Variants in GRIK1 observed in about 807,000 individuals in gnomAD.
GRIK1 encodes the protein glutamate ionotropic receptor kainate type subunit 1.
In GRIK1, 69 loss-of-function variants were observed where a neutral mutation model predicts 105.7. The ratio of observed to expected loss-of-function variants is 0.65; its 90% CI spans 0.54 to 0.80. The LOEUF (loss-of-function observed/expected upper bound fraction) is 0.80. GRIK1 is among the 30% of genes least tolerant of loss of function. GRIK1 has a pLI of 0.00. For synonymous variants in GRIK1, 438 were observed against 431.3 expected (o/e 1.02, Z -0.19); for missense variants, 1,109 against 1,167.3 (o/e 0.95, Z 0.73).
intron 7 of GRIK1, among the ~76,000 whole-genome samples, chr21:29,628,013 G>T (rs1275450663): frequency 1.3e-5 from 2 of 152,120 alleles, no homozygotes; most frequent in East Asian, 3.9e-4. Context: ...ATTAAAGAAG[G>T]CTCACTCAGT....
Position 29,939,455 on chromosome 21 carries a change from C to G in GRIK1, c.46G>C (p.Asp16His). Residue 16 changes from aspartate (D) to histidine (H), a missense_variant, in exon 1 of 18, where the codon GAC becomes CAC. Asp to His is a moderately conservative substitution (Grantham distance 81). Around this residue, in one of 5 missense-constraint regions of GRIK1, gnomAD observed 612 missense variants for 586.0 expected, o/e 1.04. Coordinates refer to ENST00000327783, the MANE Select transcript of GRIK1 (RefSeq NM_001330994.2). ...AAATAGAGGAGTGCCCAGCTGGTGT[C>G]CCTGGTCCAGAGCCCGGGCTGGGCG... ...LLAQPGLWTR[D>H]TSWALLYFLC... 6.2e-7 allele frequency: 1 copy of G among 1,601,566 alleles called. No individual in the cohort carries two copies. Among genetic ancestry groups the G allele is most frequent in the Non-Finnish European group, 8.5e-7 (1 of 1,173,984 alleles).
At chr21:29,787,888 A>G (rs34030535) in intron 1 of GRIK1, among the ~76,000 whole-genome samples, 5,401 of 152,244 alleles carry the variant, frequency 0.035, 206 homozygotes, top group East Asian at 0.1. Flanking sequence ...ATGGCTTCCT[A>G]TTTTAGTGTC....
chr21:29,841,710 C>T (rs1175107985), intron 1 of GRIK1, among the ~76,000 whole-genome samples: 1 of 152,152 alleles, frequency 6.6e-6, no homozygotes, highest in Admixed American at 6.5e-5. Flanking sequence ...ATCATGTCAT[C>T]ATTGTTGCAA....
intron 3 of GRIK1, 78 bp downstream of exon 3, chr21:29,689,650 T>C: frequency 7.7e-7 from 1 of 1,295,632 alleles, no homozygotes; most frequent in East Asian, 2.3e-5. Context: ...ATCTGATGAG[T>C]TTAATGACTA....
At chr21:29,563,255 C>T (rs866244816) in intron 14 of GRIK1, among the ~76,000 whole-genome samples, 1 of 152,134 alleles carries the variant, frequency 6.6e-6, no homozygotes, top group African/African-American at 2.4e-5. Flanking sequence ...AACTCTATCA[C>T]GGTTATTCAT....
rs149886959 is a variant in GRIK1, at chr21:29,866,592, G to A, written c.118+72791C>T. Among the ~76,000 whole-genome samples, 1,097 of 152,256 alleles carry A rather than the reference G, an allele frequency of 7.2e-3. 13 individuals are homozygous for A. Among genetic ancestry groups the A allele is most frequent in the African/African-American group, 0.024 (999 of 41,548 alleles). ...CTTGGCCATGGTAGTGGTGGGTAAA[G>A]ATGGGGGACTTTTGGATCTAAAATT... On this transcript the variant is annotated intron_variant, in intron 1 of 17. Transcript: ENST00000327783.
chr21:29,766,096 G>A (rs527646331), intron 1 of GRIK1, among the ~76,000 whole-genome samples: 2 of 152,148 alleles, frequency 1.3e-5, no homozygotes, highest in African/African-American at 2.4e-5. Context: ...TGATCCGGCC[G>A]CCTTGGCCTC....
intron 1 of GRIK1, among the ~76,000 whole-genome samples, chr21:29,750,999 A>T (rs111660834): frequency 0.04 from 6,042 of 152,128 alleles, 448 homozygotes; most frequent in African/African-American, 0.14. Context: ...TTACAGTCAA[A>T]GGGGGTTGTT....
At chr21:29,788,988 A>T (rs1230006832) in intron 1 of GRIK1, among the ~76,000 whole-genome samples, 2 of 152,228 alleles carry the variant, frequency 1.3e-5, no homozygotes, top group Non-Finnish European at 2.9e-5. Context: ...CTAACAGGCC[A>T]CATGGCCCAT....
At chr21:29,747,475 A>C (rs2065074160) in intron 1 of GRIK1, among the ~76,000 whole-genome samples, 1 of 152,168 alleles carries the variant, frequency 6.6e-6, no homozygotes, top group African/African-American at 2.4e-5. Flanking sequence ...GACCCTGAGA[A>C]GAGGCGAAGG....
intron 1 of GRIK1, among the ~76,000 whole-genome samples, chr21:29,888,913 C>T (rs112450167): frequency 8.0e-5 from 12 of 149,124 alleles, no homozygotes; most frequent in Admixed American, 4.7e-4. Context: ...AAAGGTTTCC[C>T]TTTTTATAAA....
At chr21:29,777,608 A>C (rs150709354) in intron 1 of GRIK1, among the ~76,000 whole-genome samples, 1 of 152,214 alleles carries the variant, frequency 6.6e-6, no homozygotes, top group Non-Finnish European at 1.5e-5. Context: ...GACATAGGTG[A>C]GGTGGCAAGC....
chr21:29,795,656 C>T (rs1370085984), intron 1 of GRIK1, among the ~76,000 whole-genome samples: 2 of 152,202 alleles, frequency 1.3e-5, no homozygotes, highest in Non-Finnish European at 2.9e-5. Flanking sequence ...AAGACCACAA[C>T]TAAAGAATTT....
intron 1 of GRIK1, among the ~76,000 whole-genome samples, chr21:29,738,257 A>G (rs1253625291): frequency 1.3e-5 from 2 of 152,226 alleles, no homozygotes; most frequent in Non-Finnish European, 2.9e-5. Context: ...TGGGGTGTGT[A>G]TATGTGTGCT....
chr21:29,708,383 T>A (rs2063966753), intron 1 of GRIK1, among the ~76,000 whole-genome samples: 1 of 152,240 alleles, frequency 6.6e-6, no homozygotes, highest in South Asian at 2.1e-4. Context: ...TGCAAATGTT[T>A]TCTCAGTTTA....
At chr21:29,697,046 T>C (rs1293319447) in intron 1 of GRIK1, among the ~76,000 whole-genome samples, 1 of 152,236 alleles carries the variant, frequency 6.6e-6, no homozygotes, top group Non-Finnish European at 1.5e-5. Flanking sequence ...ACACATTACA[T>C]CCTGCTTATT....
intron 7 of GRIK1, among the ~76,000 whole-genome samples, chr21:29,638,431 T>G (rs141741742): frequency 2.1e-3 from 322 of 152,184 alleles, no homozygotes; most frequent in African/African-American, 7.3e-3. Flanking sequence ...GGTACCCCAC[T>G]CCACACGTGA....
chr21:29,822,163 G>T (rs2067323169), intron 1 of GRIK1, among the ~76,000 whole-genome samples: 1 of 152,002 alleles, frequency 6.6e-6, no homozygotes, highest in South Asian at 2.1e-4. Context: ...ATATTGTAGA[G>T]TCTCTGGGCC....
At chr21:29,573,990 A>T (rs2090822875) in intron 14 of GRIK1, among the ~76,000 whole-genome samples, 1 of 152,204 alleles carries the variant, frequency 6.6e-6, no homozygotes. Flanking sequence ...GGAAAGTTCC[A>T]CACTTGACCT....
Sources: allele counts gnomAD v4.1 joint callset (sites outside exome capture counted in the v4.1 genomes callset), GRCh38; gene constraint gnomAD v4.1.1; regional missense constraint gnomAD v4.1.1; transcripts MANE v1.5; gene names NCBI Gene and HGNC (gene_info 2026-07-23, HGNC 2026-07-21).